MYOM1: variants seen among roughly 807,000 people sequenced by gnomAD.
The protein encoded by MYOM1 is myomesin-1.
In MYOM1, 164 loss-of-function variants were observed where a neutral mutation model predicts 205.3. That is an observed-to-expected ratio of 0.80 (90% CI 0.70 to 0.91). MYOM1 has a LOEUF of 0.91. Ranked by LOEUF, MYOM1 falls within the 40% of genes least tolerant of loss-of-function variation. MYOM1 has a pLI of 0.00. For synonymous variants in MYOM1, 772 were observed against 789.4 expected (o/e 0.98, Z 0.37); for missense variants, 2,011 against 2,127.3 (o/e 0.95, Z 1.08).
At chr18:3,166,149 A>G (rs902544187) in intron 9 of MYOM1, among the ~76,000 whole-genome samples, 1 of 152,186 alleles carries the variant, frequency 6.6e-6, no homozygotes, top group African/African-American at 2.4e-5. Context: ...GTGACAGCAG[A>G]GCATTAAATG....
intron 8 of MYOM1, among the ~76,000 whole-genome samples, chr18:3,172,327 A>C (rs1180914258): frequency 6.6e-6 from 1 of 152,148 alleles, no homozygotes; most frequent in East Asian, 1.9e-4. Context: ...AAGATTTAGC[A>C]ATAAGAGAAG....
chr18:3,151,554 C>T (rs1179904684), intron 12 of MYOM1, 140 bp downstream of exon 12: 15 of 599,530 alleles, frequency 2.5e-5, no homozygotes, highest in Admixed American at 2.2e-4. Flanking sequence ...TTCTCCCCCT[C>T]GGATTTTCTG....
At chr18:3,131,574 T>A in intron 16 of MYOM1, 78 bp from the exon 17 acceptor site, 1 of 1,276,928 alleles carries the variant, frequency 7.8e-7, no homozygotes, top group African/African-American at 1.5e-5. Context: ...ATGGAGTGGA[T>A]CTGGCTTTAT....
chr18:3,198,073 CA>C (rs5822743), intron 2 of MYOM1, among the ~76,000 whole-genome samples: 8 of 150,504 alleles, frequency 5.3e-5, no homozygotes, highest in Admixed American at 2.0e-4. Context: ...AAATAAAGCA[CA>C]AAAAAAAACT....
At chr18:3,242,577 C>T in the MYOM1 span, among the ~76,000 whole-genome samples, 2,739 of 152,224 alleles carry the variant, frequency 0.018, 97 homozygotes, top group African/African-American at 0.063. Flanking sequence ...GGCATGATCT[C>T]GGCTCACTGC....
chr18:3,178,893 T>G (rs56778580), intron 5 of MYOM1, among the ~76,000 whole-genome samples: 28,954 of 151,450 alleles, frequency 0.19, 2,954 homozygotes, highest in East Asian at 0.36. Flanking sequence ...TTTGAGACAG[T>G]GTCTCGCTCT....
At chr18:3,093,458 T>C (rs1288802387) in intron 26 of MYOM1, 1 of 152,188 alleles carries the variant, frequency 6.6e-6, no homozygotes, top group Non-Finnish European at 1.5e-5. Flanking sequence ...GTATTTTATA[T>C]ATATACAAAA....
At chr18:3,188,715 C>T in intron 4 of MYOM1, 33 bp downstream of exon 4, 1 of 1,498,166 alleles carries the variant, frequency 6.7e-7, no homozygotes, top group Non-Finnish European at 8.9e-7. Context: ...GCATTTCCAC[C>T]TTTGTAAGTT....
At chr18:3,235,852 T>A in the MYOM1 span, among the ~76,000 whole-genome samples, 176 of 152,232 alleles carry the variant, frequency 1.2e-3, no homozygotes, top group African/African-American at 4.1e-3. Context: ...TTTACTGAGA[T>A]GGTAGTATCT....
At chr18:3,130,343 C>T (rs1389894681) in intron 17 of MYOM1, among the ~76,000 whole-genome samples, 1 of 151,910 alleles carries the variant, frequency 6.6e-6, no homozygotes, top group Non-Finnish European at 1.5e-5. Flanking sequence ...GTGCCCGATC[C>T]CTATGTTATA....
intron 29 of MYOM1, among the ~76,000 whole-genome samples, chr18:3,088,886 A>T (rs2079187522): frequency 6.6e-6 from 1 of 152,210 alleles, no homozygotes; most frequent in East Asian, 1.9e-4. Context: ...TTGGCTTAAA[A>T]CAAAAACGTG....
rs575394264 is a variant in MYOM1, at chr18:3,182,153, A to G, written c.929+5327T>C. 7.2e-5 allele frequency among the ~76,000 whole-genome samples: 11 copies of G among 152,318 alleles called. No homozygotes were observed. The South Asian group carries it at 2.3e-3, about 32-fold the overall frequency. Reference sequence around the variant, plus strand: ...GAGTGAATGACAGGTACACACTGATACCAACACATTGCTCCAATGAGTTTT... The same window carrying G: ...GAGTGAATGACAGGTACACACTGATGCCAACACATTGCTCCAATGAGTTTT... On this transcript the variant is annotated intron_variant, in intron 5 of 37. Coordinates refer to ENST00000356443, the MANE Select transcript of MYOM1 (RefSeq NM_003803.4).
intron 5 of MYOM1, among the ~76,000 whole-genome samples, chr18:3,183,157 G>A (rs576135264): frequency 8.1e-4 from 123 of 152,160 alleles, no homozygotes; most frequent in African/African-American, 2.8e-3. Context: ...TCGGACTCCC[G>A]ACCTCAGGTC....
chr18:3,150,734 A>ATACAAGGCATGAT (rs1233915117), intron 12 of MYOM1, among the ~76,000 whole-genome samples: 2 of 152,218 alleles, frequency 1.3e-5, no homozygotes, highest in Non-Finnish European at 2.9e-5. Context: ...CATGAAACAA[A>ATACAAGGCATGAT]TACAAGGCAT....
chr18:3,077,125 A>G (rs1041967042), intron 34 of MYOM1, among the ~76,000 whole-genome samples: 1 of 149,778 alleles, frequency 6.7e-6, no homozygotes, highest in African/African-American at 2.5e-5. Context: ...TGATCCTCTT[A>G]CCTCTGCTTC....
At chr18:3,149,522 G>T (rs1707673373) in intron 12 of MYOM1, among the ~76,000 whole-genome samples, 1 of 152,152 alleles carries the variant, frequency 6.6e-6, no homozygotes, top group South Asian at 2.1e-4. Flanking sequence ...GGAACAGGTA[G>T]GCTTGCTCAT....
At chr18:3,235,481 G>A in the MYOM1 span, among the ~76,000 whole-genome samples, 2 of 152,200 alleles carry the variant, frequency 1.3e-5, no homozygotes, top group Non-Finnish European at 2.9e-5. Context: ...ACTGACCTTT[G>A]AAACATGGCT....
intron 2 of MYOM1, 39 bp from the exon 3 acceptor site, chr18:3,193,997 AGGC>A (rs763230615): frequency 6.3e-7 from 1 of 1,598,714 alleles, no homozygotes; most frequent in South Asian, 1.1e-5. Flanking sequence ...TAACAAAAAA[AGGC>A]ATTTACAATA....
chr18:3,175,269 G>A (rs1486030818), intron 6 of MYOM1, among the ~76,000 whole-genome samples: 1 of 152,140 alleles, frequency 6.6e-6, no homozygotes, highest in Non-Finnish European at 1.5e-5. Context: ...GATCTGAGGA[G>A]AAGGCTATAA....
Sources: gnomAD v4.1 joint callset for allele counts (sites outside exome capture counted in the v4.1 genomes callset) on GRCh38, gnomAD v4.1.1 for gene constraint, MANE v1.5 for transcripts, NCBI Gene and HGNC (gene_info 2026-07-23, HGNC 2026-07-21) for gene names.